Variants in BPIFC observed in about 807,000 individuals in gnomAD.
The protein encoded by BPIFC is BPI fold containing family C.
BPIFC carries 60 observed loss-of-function variants against 57.6 expected under a neutral mutation model. The ratio of observed to expected loss-of-function variants is 1.04; its 90% CI spans 0.85 to 1.29. The LOEUF is 1.29. BPIFC is among the 50% of genes most tolerant of loss of function. The pLI is 0.00. For missense variants in BPIFC, 581 were observed against 600.5 expected, an observed-to-expected ratio of 0.97 and a Z score of 0.34; for synonymous variants, 243 against 224.5, an observed-to-expected ratio of 1.08 and a Z score of -0.74.
intron 3 of BPIFC, among the ~76,000 whole-genome samples, chr22:32,454,231 A>G (rs1349346071): frequency 6.6e-6 from 1 of 151,828 alleles, no homozygotes; most frequent in Non-Finnish European, 1.5e-5. Flanking sequence ...GTTATTCCAC[A>G]CTCTTTTTTC....
Position 32,413,936 on chromosome 22 carries a change from C to G in BPIFC, c.*367G>C. 6.4e-6 allele frequency: 1 copy of G among 157,208 alleles called. No homozygotes were observed. Among genetic ancestry groups the G allele is most frequent in the Non-Finnish European group, 1.4e-5 (1 of 71,520 alleles). The allele number at this position is 157,208 out of a possible 1,614,324, so 9.7% of individuals were successfully genotyped here. A position where few individuals can be genotyped will look rare whatever the true frequency, so the allele number is the denominator to read the frequency against. On this transcript the variant is annotated 3_prime_UTR_variant, in exon 17 of 17. Coordinates refer to ENST00000300399, the MANE Select transcript of BPIFC (RefSeq NM_174932.3). ...AACCAATATGCAGGTAGGGGAAAACCACTAGAGGGCCTAAGGGATTTCCAC... is the reference window on the plus strand; with the variant it reads ...AACCAATATGCAGGTAGGGGAAAACGACTAGAGGGCCTAAGGGATTTCCAC...
intron 8 of BPIFC, among the ~76,000 whole-genome samples, chr22:32,439,228 G>A (rs1162689833): frequency 1.3e-5 from 2 of 152,128 alleles, no homozygotes; most frequent in Non-Finnish European, 2.9e-5. Context: ...GGGAGGCTGA[G>A]GCAGGAGAAT....
chr22:32,434,060 A>G (rs548970429), intron 10 of BPIFC, among the ~76,000 whole-genome samples: 12 of 147,914 alleles, frequency 8.1e-5, no homozygotes, highest in African/African-American at 3.0e-4. Flanking sequence ...AATTGTACGT[A>G]TGTAGTACAA....
chr22:32,421,508 C>CT (rs1933846416), intron 13 of BPIFC, among the ~76,000 whole-genome samples: 1 of 152,176 alleles, frequency 6.6e-6, no homozygotes. Context: ...CCTGTTTCCA[C>CT]TATTGACCCT....
intron 8 of BPIFC, among the ~76,000 whole-genome samples, chr22:32,440,957 T>A (rs990600308): frequency 6.6e-6 from 1 of 152,166 alleles, no homozygotes; most frequent in Non-Finnish European, 1.5e-5. Flanking sequence ...AAACTGTAAG[T>A]TAAGTCATGC....
At chr22:32,442,880 G>A (rs1934604078) in intron 7 of BPIFC, 149 bp from the exon 8 acceptor site, 4 of 746,802 alleles carry the variant, frequency 5.4e-6, no homozygotes, top group Middle Eastern at 2.4e-4. Context: ...ATTTGTTGAT[G>A]TCTATGGGCC....
intron 10 of BPIFC, among the ~76,000 whole-genome samples, chr22:32,435,434 T>C (rs1201658044): frequency 6.6e-6 from 1 of 152,138 alleles, no homozygotes; most frequent in Non-Finnish European, 1.5e-5. Flanking sequence ...TTAGGGCTGC[T>C]CAACCGGTAA....
chr22:32,425,075 C>T (rs1438896000), intron 13 of BPIFC, among the ~76,000 whole-genome samples: 1 of 152,156 alleles, frequency 6.6e-6, no homozygotes, highest in Non-Finnish European at 1.5e-5. Context: ...AGCCACCACG[C>T]CTGGCCTTGC....
In BPIFC at chr22:32,415,982, T is replaced by C. The variant is rs1387611969; in HGVS notation, c.1334A>G (p.Gln445Arg). The change falls in exon 16 of 17, where the codon CAG becomes CGG. Residue 445 changes from glutamine to arginine, a missense_variant. Physicochemically the swap from Gln to Arg is conservative, Grantham distance 43. Coordinates refer to ENST00000300399, the MANE Select transcript of BPIFC (RefSeq NM_174932.3). ...TGGATTGGACAGAGGAAATCCTTGC[T>C]GCAATTTTGCTAAAATATAGAACAA... ...GVLPLANAKL[Q>R]QGFPLSNPHK... 6.3e-7 allele frequency: 1 copy of C among 1,583,452 alleles called. No individual in the cohort carries two copies. The highest frequency in any genetic ancestry group is 1.4e-5 in the African/African-American group (1 of 71,898).
At chr22:32,423,577 G>GGTGTGTGTGTGTGTGTGT (rs369571670) in intron 13 of BPIFC, among the ~76,000 whole-genome samples, 35 of 143,262 alleles carry the variant, frequency 2.4e-4, no homozygotes, top group African/African-American at 9.1e-4. Flanking sequence ...GTAGGGTGTG[G>GGTGTGTGTGTGTGTGTGT]GTGTGTGTGT....
intron 4 of BPIFC, among the ~76,000 whole-genome samples, chr22:32,448,706 G>A (rs1281321987): frequency 3.3e-5 from 5 of 152,000 alleles, no homozygotes; most frequent in South Asian, 2.1e-4. Context: ...TTGGGAGGCC[G>A]AGGCGGGCAG....
At chr22:32,456,280 T>C (rs927117462) in intron 3 of BPIFC, among the ~76,000 whole-genome samples, 11 of 152,240 alleles carry the variant, frequency 7.2e-5, no homozygotes, top group Non-Finnish European at 1.6e-4. Context: ...ACACACACCA[T>C]TGTCCACATA....
chr22:32,416,988 TC>T, intron 15 of BPIFC, 96 bp downstream of exon 15: 1 of 1,094,468 alleles, frequency 9.1e-7, no homozygotes, highest in Non-Finnish European at 1.4e-6. Flanking sequence ...AGTACAAGCT[TC>T]AGGGTGGAAA....
intron 4 of BPIFC, among the ~76,000 whole-genome samples, chr22:32,452,446 C>T (rs960027308): frequency 1.3e-5 from 2 of 151,958 alleles, no homozygotes; most frequent in African/African-American, 4.8e-5. Flanking sequence ...ACCATCCTGG[C>T]TAACACGGTG....
At chr22:32,422,151 TAAGA>T (rs1359956103) in intron 13 of BPIFC, among the ~76,000 whole-genome samples, 1 of 152,110 alleles carries the variant, frequency 6.6e-6, no homozygotes, top group Admixed American at 6.5e-5. Flanking sequence ...GAAGGTTTTT[TAAGA>T]AAGGAGATGA....
At position 32,435,292 on chromosome 22, in the gene BPIFC, C is replaced by T. The variant is rs16990456; in HGVS notation, c.924+412G>A. Among the ~76,000 whole-genome samples, 1,110 of 152,220 alleles carry T rather than the reference C, an allele frequency of 7.3e-3. 14 individuals carry two copies. Among genetic ancestry groups the T allele is most frequent in the African/African-American group, 0.026 (1,068 of 41,492 alleles). On this transcript the variant is annotated intron_variant, in intron 10 of 16. Transcript: ENST00000300399. ...CAGAACTGGAAACTTGACAACTCCC[C>T]AACTAATACAGGTTGAACATTCCTA...
chr22:32,439,105 C>T (rs1934491060), intron 8 of BPIFC, among the ~76,000 whole-genome samples: 1 of 152,066 alleles, frequency 6.6e-6, no homozygotes, highest in Non-Finnish European at 1.5e-5. Flanking sequence ...GTGGGCGGAT[C>T]ACCTGAGGTC....
At position 32,424,602 on chromosome 22, in the gene BPIFC, TCC is replaced by T. The variant is rs1491049343; in HGVS notation, c.1218-5200_1218-5199del. 4.3e-4 allele frequency among the ~76,000 whole-genome samples: 28 copies of T among 65,716 alleles called. 7 individuals carry two copies. Among genetic ancestry groups the T allele is most frequent in the African/African-American group, 9.3e-4 (8 of 8,608 alleles). 43.1% of individuals were successfully genotyped at this position (65,716 alleles called of 152,430 possible). On this transcript the variant is annotated intron_variant, in intron 13 of 16. Transcript: ENST00000300399. ...CTTCTTCTTCTTCTTCTTCTTCTTC[TCC>T]TCCTCCTCCTCCTCCTCCTCCTCCT...
intron 7 of BPIFC, among the ~76,000 whole-genome samples, chr22:32,444,295 G>T (rs1240998504): frequency 1.3e-5 from 2 of 152,152 alleles, no homozygotes; most frequent in African/African-American, 4.8e-5. Context: ...GGTAAGGATG[G>T]AGAAGGACTA....
Sources: allele counts gnomAD v4.1 joint callset (sites outside exome capture counted in the v4.1 genomes callset), GRCh38; gene constraint gnomAD v4.1.1; transcripts MANE v1.5; gene names NCBI Gene and HGNC (gene_info 2026-07-23, HGNC 2026-07-21).